The following ASTN2 variants were observed in gnomAD, a reference collection of about 807,000 sequenced individuals.
ASTN2 encodes astrotactin-2.
ASTN2 carries 54 observed loss-of-function variants against 139.8 expected under a neutral mutation model. The observed-to-expected ratio is 0.39, with a 90% CI of 0.31 to 0.48. The LOEUF is 0.48. Ranked by LOEUF, ASTN2 falls within the 20% of genes least tolerant of loss-of-function variation. ASTN2 has a pLI of 0.95. For synonymous variants in ASTN2, 756 were observed against 719.5 expected, an observed-to-expected ratio of 1.05 and a Z score of -0.81; for missense variants, 1,565 against 1,725.1, an observed-to-expected ratio of 0.91 and a Z score of 1.64.
intron 1 of ASTN2, among the ~76,000 whole-genome samples, chr9:117,344,300 G>A (rs1470097376): frequency 1.3e-5 from 2 of 152,170 alleles, no homozygotes; most frequent in Admixed American, 6.5e-5. Flanking sequence ...CCTGCAGGCA[G>A]GTTTGGGAGC....
At chr9:116,977,491 G>T (rs1588454386) in intron 7 of ASTN2, among the ~76,000 whole-genome samples, 2 of 150,416 alleles carry the variant, frequency 1.3e-5, no homozygotes, top group Admixed American at 1.3e-4. Flanking sequence ...TTTTTTTCTG[G>T]CCATGCCTTA....
intron 6 of ASTN2, among the ~76,000 whole-genome samples, chr9:117,033,859 G>A (rs913637679): frequency 3.9e-5 from 6 of 152,124 alleles, no homozygotes; most frequent in Admixed American, 3.9e-4. Flanking sequence ...TTTGCTATGA[G>A]AACTGAAGGA....
intron 13 of ASTN2, among the ~76,000 whole-genome samples, chr9:116,801,909 AAAT>A (rs904998224): frequency 1.3e-5 from 2 of 152,032 alleles, no homozygotes; most frequent in African/African-American, 4.8e-5. Flanking sequence ...CTCCATGGGC[AAAT>A]CAGGGCACTT....
intron 13 of ASTN2, among the ~76,000 whole-genome samples, chr9:116,790,963 GAAGGAAAGAAAGAAA>G (rs1830519693): frequency 9.9e-6 from 1 of 101,064 alleles, no homozygotes; most frequent in Non-Finnish European, 2.0e-5. Context: ...AGAAAAGAAA[GAAGGAAAGAAAGAAA>G]GAAAGAAAGA....
intron 10 of ASTN2, among the ~76,000 whole-genome samples, chr9:116,959,752 C>G (rs1835825036): frequency 6.6e-6 from 1 of 152,066 alleles, no homozygotes; most frequent in Non-Finnish European, 1.5e-5. Context: ...AAAACACCTT[C>G]CCATGCAGAA....
intron 1 of ASTN2, among the ~76,000 whole-genome samples, chr9:117,398,560 G>A (rs182281042): frequency 1.3e-4 from 20 of 152,180 alleles, no homozygotes; most frequent in African/African-American, 2.7e-4. Flanking sequence ...TCTCTGTGCC[G>A]CCTGCAAGAA....
At chr9:117,304,582 AGAGT>A (rs1448059681) in intron 1 of ASTN2, among the ~76,000 whole-genome samples, 3 of 152,166 alleles carry the variant, frequency 2.0e-5, no homozygotes, top group Non-Finnish European at 2.9e-5. Context: ...CTCTGATTTG[AGAGT>A]GAGTGAGTAT....
chr9:116,675,101 C>T (rs368965978), intron 16 of ASTN2, among the ~76,000 whole-genome samples: 6 of 152,178 alleles, frequency 3.9e-5, no homozygotes, highest in Admixed American at 2.0e-4. Flanking sequence ...AGTGCCCCCC[C>T]ACGCTCCAGC....
chr9:116,603,267 G>C (rs571593361), intron 19 of ASTN2, among the ~76,000 whole-genome samples: 1 of 152,340 alleles, frequency 6.6e-6, no homozygotes, highest in South Asian at 2.1e-4. Flanking sequence ...CCAAGCAAGA[G>C]AAAGTCCTAA....
Position 116,493,059 on chromosome 9 carries a change from G to A in ASTN2, c.3356-5559C>T, listed in dbSNP as rs556018835. 2.0e-5 allele frequency among the ~76,000 whole-genome samples: 3 copies of A among 152,248 alleles called. No individual in the cohort carries two copies. In the South Asian group the frequency reaches 6.2e-4, roughly 32 times the overall value. ...GTTTTAAAGTTTTATTGCTTAAAGT[G>A]TTTGAATTCCAGAACTGTGCTGTAT... On this transcript the variant is annotated intron_variant, in intron 19 of 22. Transcript: ENST00000313400.
intron 19 of ASTN2, among the ~76,000 whole-genome samples, chr9:116,535,633 T>A (rs182917984): frequency 3.3e-5 from 5 of 152,308 alleles, no homozygotes; most frequent in Admixed American, 2.0e-4. Flanking sequence ...TTTCGCTGGA[T>A]ATGAAATTCT....
chr9:117,239,408 C>T (rs1479063305), intron 2 of ASTN2, among the ~76,000 whole-genome samples: 1 of 152,178 alleles, frequency 6.6e-6, no homozygotes, highest in Non-Finnish European at 1.5e-5. Flanking sequence ...CTCCATTATT[C>T]CCCTTCTCTC....
In ASTN2 at chr9:117,163,064, A is replaced by T. The variant is rs1395697042; in HGVS notation, c.1016-21586T>A. 2.6e-5 allele frequency among the ~76,000 whole-genome samples: 4 copies of T among 152,012 alleles called. No individual in the cohort carries two copies. The South Asian group carries it at 6.2e-4, about 24-fold the overall frequency. On this transcript the variant is annotated intron_variant, in intron 3 of 22. Transcript: ENST00000313400. ...CCAGTCAACCTTTCCTGCTCCTCAT[A>T]CCTTTCTCTGCCAGGCTCCATCTAC...
At chr9:116,694,446 A>G (rs1421297473) in intron 16 of ASTN2, among the ~76,000 whole-genome samples, 2 of 139,676 alleles carry the variant, frequency 1.4e-5, no homozygotes, top group Non-Finnish European at 3.1e-5. Flanking sequence ...ATGGATCCTG[A>G]GTTGTAATTT....
At chr9:116,734,408 A>G (rs1235089483) in intron 13 of ASTN2, among the ~76,000 whole-genome samples, 3 of 152,182 alleles carry the variant, frequency 2.0e-5, no homozygotes, top group Non-Finnish European at 4.4e-5. Flanking sequence ...GCCTGCCAAG[A>G]GAGGTGGTGA....
At chr9:117,144,660 G>GTTTTTTTTTTGTTTTGTTTTT (rs1830150127) in intron 3 of ASTN2, among the ~76,000 whole-genome samples, 2 of 78,308 alleles carry the variant, frequency 2.6e-5, no homozygotes, top group African/African-American at 1.2e-4. Flanking sequence ...GTGAACACTA[G>GTTTTTTTTTTGTTTTGTTTTT]TTTTTTTTTT....
chr9:117,117,935 C>G (rs1829439338), intron 4 of ASTN2, among the ~76,000 whole-genome samples: 1 of 151,990 alleles, frequency 6.6e-6, no homozygotes, highest in Non-Finnish European at 1.5e-5. Context: ...GGCAGCAGGG[C>G]AGAATGTAGG....
chr9:116,981,770 A>G (rs1177706346), intron 7 of ASTN2, among the ~76,000 whole-genome samples: 1 of 152,242 alleles, frequency 6.6e-6, no homozygotes, highest in Non-Finnish European at 1.5e-5. Context: ...CAGTAAAATG[A>G]ATTTGAAATA....
At chr9:116,882,411 T>C (rs1300601158) in intron 10 of ASTN2, among the ~76,000 whole-genome samples, 1 of 152,200 alleles carries the variant, frequency 6.6e-6, no homozygotes, top group Non-Finnish European at 1.5e-5. Context: ...TAAATAAATA[T>C]GTTATTGTTT....
Sources: allele counts gnomAD v4.1 joint callset (sites outside exome capture counted in the v4.1 genomes callset), GRCh38; gene constraint gnomAD v4.1.1; transcripts MANE v1.5; gene names NCBI Gene and HGNC (gene_info 2026-07-23, HGNC 2026-07-21).